Variants in BCL2L1 observed in about 807,000 individuals in gnomAD.
BCL2L1 encodes the protein bcl-2-like protein 1.
In BCL2L1, 1 loss-of-function variant was observed where a neutral mutation model predicts 18.7. The observed-to-expected ratio is 0.05, with a 90% CI of 0.02 to 0.25. The LOEUF (loss-of-function observed/expected upper bound fraction) is 0.25. Ranked by LOEUF, BCL2L1 falls within the 10% of genes least tolerant of loss-of-function variation. The probability of loss-of-function intolerance (pLI) is 1.00; values close to 1 mark genes in which losing one functional copy is unlikely to be tolerated. For synonymous variants in BCL2L1, 103 were observed against 122.7 expected, an observed-to-expected ratio of 0.84 and a Z score of 1.06; for missense variants, 207 against 304.9, an observed-to-expected ratio of 0.68 and a Z score of 2.39.
At chr20:31,671,032 A>C (rs1267326352) in intron 2 of BCL2L1, among the ~76,000 whole-genome samples, 3 of 152,094 alleles carry the variant, frequency 2.0e-5, no homozygotes, top group Non-Finnish European at 4.4e-5. Flanking sequence ...CTGATGTCAC[A>C]AAGGTTTCTA....
intron 2 of BCL2L1, among the ~76,000 whole-genome samples, chr20:31,676,700 G>A (rs1301780567): frequency 1.3e-5 from 2 of 152,084 alleles, no homozygotes; most frequent in African/African-American, 4.8e-5. Context: ...AGCTCACCAC[G>A]AACACCCCCA....
chr20:31,699,390 G>A (rs919645341), intron 2 of BCL2L1, among the ~76,000 whole-genome samples: 1 of 152,198 alleles, frequency 6.6e-6, no homozygotes, highest in Non-Finnish European at 1.5e-5. Context: ...CTCCTGACCA[G>A]CAGCTGAGAT....
Position 31,722,251 on chromosome 20 carries a change from T to A in BCL2L1, c.-33A>T, listed in dbSNP as rs1481505105. On this transcript the variant is annotated 5_prime_UTR_variant, in exon 2 of 3. Transcript: ENST00000307677. ...ATAGGGATGGGCTCAACCAGTCCAT[T>A]GTCCAAAACACCTGCTCACTCACTG... 1 of 1,420,918 alleles carries A rather than the reference T, an allele frequency of 7.0e-7. No homozygotes were observed. The allele number at this position is 1,420,918 out of a possible 1,614,324, so 88.0% of individuals were successfully genotyped here.
chr20:31,723,915 C>T, upstream of BCL2L1: 1 of 985,466 alleles, frequency 1.0e-6, no homozygotes, highest in South Asian at 4.7e-5. Flanking sequence ...TCAGTTTCCC[C>T]TGAAGAGACA....
intron 2 of BCL2L1, among the ~76,000 whole-genome samples, chr20:31,689,001 C>A (rs1245392447): frequency 6.6e-6 from 1 of 151,904 alleles, no homozygotes; most frequent in Admixed American, 6.6e-5. Context: ...AAGCTAAAAG[C>A]GGACCAGGAT....
chr20:31,703,986 C>T (rs1446165805), intron 2 of BCL2L1, among the ~76,000 whole-genome samples: 3 of 149,260 alleles, frequency 2.0e-5, no homozygotes, highest in Non-Finnish European at 3.0e-5. Context: ...TTAGTAGAGA[C>T]GGGGTTTCGC....
At chr20:31,678,294 G>C (rs1268123976) in intron 2 of BCL2L1, among the ~76,000 whole-genome samples, 1 of 152,196 alleles carries the variant, frequency 6.6e-6, no homozygotes, top group East Asian at 1.9e-4. Context: ...GTGGGGAAGA[G>C]AGTACTGGGC....
intron 2 of BCL2L1, chr20:31,720,515 C>G: frequency 1.0e-6 from 1 of 985,118 alleles, no homozygotes; most frequent in African/African-American, 1.7e-5. Flanking sequence ...GCAAAACTTG[C>G]CTACAGTGAC....
At chr20:31,687,578 G>C (rs1778869444) in intron 2 of BCL2L1, among the ~76,000 whole-genome samples, 1 of 150,874 alleles carries the variant, frequency 6.6e-6, no homozygotes, top group African/African-American at 2.4e-5. Context: ...TCAGGAGGCT[G>C]AGGCAGGAGA....
rs1335863026 is a variant in BCL2L1 at position 31,703,710 on chromosome 20, TG to T, written c.564+17944del. 2.8e-4 allele frequency among the ~76,000 whole-genome samples: 43 copies of T among 152,100 alleles called. 1 individual carries two copies. Among genetic ancestry groups the T allele is most frequent in the African/African-American group, 1.0e-3 (43 of 41,476 alleles). ...TTTCACTGTGTTGGCCAGGCTGGTC[TG>T]GAACTCCTGATCTCAGGTGATTCGC... is the stretch of plus-strand genomic sequence containing the variant. On this transcript the variant is annotated intron_variant, in intron 2 of 2. Coordinates refer to ENST00000307677, the MANE Select transcript of BCL2L1 (RefSeq NM_138578.3).
At chr20:31,687,691 A>G (rs1014625256) in intron 2 of BCL2L1, among the ~76,000 whole-genome samples, 29 of 151,614 alleles carry the variant, frequency 1.9e-4, no homozygotes, top group African/African-American at 5.3e-4. Flanking sequence ...AAAAAAAAAA[A>G]AAAAAGAAAA....
intron 2 of BCL2L1, among the ~76,000 whole-genome samples, chr20:31,715,012 C>T (rs1041094922): frequency 7.9e-5 from 12 of 152,148 alleles, no homozygotes; most frequent in South Asian, 2.1e-4. Context: ...CGGTGGCTCA[C>T]GCCTGTAATT....
Position 31,721,889 on chromosome 20 carries a change from G to T in BCL2L1, c.330C>A (p.Ser110=). The change falls in exon 2 of 3, where the codon TCC becomes TCA. Residue 110 remains serine (S), a synonymous_variant. Coordinates refer to ENST00000307677, the MANE Select transcript of BCL2L1 (RefSeq NM_138578.3). ...RYRRAFSDLT[S]QLHITPGTAY... ...CTGTCCCTGGGGTGATGTGGAGCTG[G>T]GATGTCAGGTCACTGAATGCCCGCC... 1 of 1,614,206 alleles carries T rather than the reference G, an allele frequency of 6.2e-7. No individual in the cohort carries two copies. Among genetic ancestry groups the T allele is most frequent in the Non-Finnish European group, 8.5e-7 (1 of 1,180,030 alleles).
chr20:31,679,635 A>G (rs1453749055), intron 2 of BCL2L1, among the ~76,000 whole-genome samples: 1 of 152,154 alleles, frequency 6.6e-6, no homozygotes, highest in Non-Finnish European at 1.5e-5. Flanking sequence ...TGTAAATGTT[A>G]GCTGCTGCTG....
intron 2 of BCL2L1, among the ~76,000 whole-genome samples, chr20:31,670,785 G>A (rs1322778445): frequency 6.6e-6 from 1 of 152,186 alleles, no homozygotes; most frequent in Non-Finnish European, 1.5e-5. Flanking sequence ...GGCGGGTGCT[G>A]GAGAGGCGGT....
chr20:31,679,544 G>A (rs2060821629), intron 2 of BCL2L1, among the ~76,000 whole-genome samples: 2 of 152,188 alleles, frequency 1.3e-5, no homozygotes, highest in African/African-American at 2.4e-5. Context: ...TCCAAGCCTG[G>A]TGTTCCGGCT....
intron 2 of BCL2L1, among the ~76,000 whole-genome samples, chr20:31,685,905 CA>C (rs1020712619): frequency 6.6e-6 from 1 of 152,184 alleles, no homozygotes; most frequent in African/African-American, 2.4e-5. Context: ...ACCAAAGACC[CA>C]AAAGTGCAGT....
chr20:31,693,428 A>G (rs1439145000), intron 2 of BCL2L1, among the ~76,000 whole-genome samples: 4 of 152,106 alleles, frequency 2.6e-5, no homozygotes, highest in Non-Finnish European at 4.4e-5. Context: ...AGCCTGGTTG[A>G]CATGGTAAGA....
chr20:31,678,808 C>G (rs574514340), intron 2 of BCL2L1, among the ~76,000 whole-genome samples: 1 of 152,206 alleles, frequency 6.6e-6, no homozygotes, highest in Non-Finnish European at 1.5e-5. Flanking sequence ...TTTCAGCCAC[C>G]TTTATCTGAT....
Sources: allele counts gnomAD v4.1 joint callset (sites outside exome capture counted in the v4.1 genomes callset), GRCh38; gene constraint gnomAD v4.1.1; transcripts MANE v1.5; gene names NCBI Gene and HGNC (gene_info 2026-07-23, HGNC 2026-07-21).